Variants in PACRGL observed in about 807,000 individuals in gnomAD.
The protein encoded by PACRGL is parkin coregulated like, also known as PACRG-like protein.
A neutral mutation model predicts 34.5 loss-of-function variants in PACRGL; 38 were observed. The observed-to-expected ratio is 1.10, with a 90% CI of 0.85 to 1.44. The LOEUF (loss-of-function observed/expected upper bound fraction) is 1.44, where lower values mean the gene tolerates loss of function less well. PACRGL is among the 40% of genes most tolerant of loss of function. The probability of loss-of-function intolerance (pLI) is 0.00; values close to 1 mark genes in which losing one functional copy is unlikely to be tolerated. For synonymous variants in PACRGL, 128 were observed against 100.1 expected, an observed-to-expected ratio of 1.28 and a Z score of -1.66; for missense variants, 305 against 281.4, an observed-to-expected ratio of 1.08 and a Z score of -0.60.
At position 20,731,369 on chromosome 4, in the gene PACRGL, A is replaced by C; in HGVS notation, c.*4028A>C. On this transcript the variant is annotated 3_prime_UTR_variant, in exon 9 of 9. Transcript: ENST00000503585. ...GATTACAGTTGTGAGCTACTGTACC[A>C]GGCCTTAACAATTTTTAACTGTGGT... 1 of 983,258 alleles carries C rather than the reference A, an allele frequency of 1.0e-6. No homozygotes were observed. The highest frequency in any genetic ancestry group is 1.2e-6 in the Non-Finnish European group (1 of 827,992). The allele number at this position is 983,258 out of a possible 1,614,324, so 60.9% of individuals were successfully genotyped here. A position where few individuals can be genotyped will look rare whatever the true frequency, so the allele number is the denominator to read the frequency against.
At chr4:20,750,021 A>G (rs868294481) in intron 8 of PACRGL, among the ~76,000 whole-genome samples, 3 of 152,212 alleles carry the variant, frequency 2.0e-5, no homozygotes, top group South Asian at 2.1e-4. Context: ...AAATGGTCCC[A>G]TAGGTGGATG....
rs1284985209 is a variant in PACRGL, at chr4:20,729,445, G to A, written c.*2104G>A. On this transcript the variant is annotated 3_prime_UTR_variant, in exon 9 of 9. Transcript: ENST00000503585. ...ATGCTTATTAAAATAAGTTTTATTA[G>A]GCATATGCTGATATCTGATAATAAA... 1 of 142,068 alleles carries A rather than the reference G, an allele frequency of 7.0e-6. No homozygotes were observed. Among genetic ancestry groups the A allele is most frequent in the Non-Finnish European group, 1.6e-5 (1 of 63,786 alleles). The allele number at this position is 142,068 out of a possible 1,614,324, so 8.8% of individuals were successfully genotyped here.
the PACRGL span, among the ~76,000 whole-genome samples, chr4:20,764,495 G>T: frequency 5.3e-5 from 8 of 151,932 alleles, no homozygotes; most frequent in Non-Finnish European, 8.8e-5. Flanking sequence ...TGCACTTGTG[G>T]TTTCTTCTTT....
chr4:20,710,578 G>A (rs1736710854), intron 5 of PACRGL, among the ~76,000 whole-genome samples: 1 of 152,128 alleles, frequency 6.6e-6, no homozygotes, highest in Non-Finnish European at 1.5e-5. Flanking sequence ...AGTTACTACT[G>A]TGTAACTTAC....
rs770676847 is a variant in PACRGL at position 20,712,775 on chromosome 4, T to TG, written c.367-11dup. On this transcript the variant is annotated splice_polypyrimidine_tract_variant and intron_variant, in intron 5 of 8. Coordinates refer to ENST00000503585, the MANE Select transcript of PACRGL (RefSeq NM_001258345.3). ...ATGGGTAGTAAATCATGTTTCCTCTTGGTCTTTGTCAGGGTCTGAGAGAGA... is the reference window on the plus strand; with the variant it reads ...ATGGGTAGTAAATCATGTTTCCTCTTGGGTCTTTGTCAGGGTCTGAGAGAGA... 5.4e-6 allele frequency: 8 copies of TG among 1,468,320 alleles called. No homozygotes were observed. Among genetic ancestry groups the TG allele is most frequent in the Non-Finnish European group, 6.4e-6 (7 of 1,096,910 alleles). The allele number at this position is 1,468,320 out of a possible 1,614,324, so 91.0% of individuals were successfully genotyped here.
upstream of PACRGL, chr4:20,700,358 G>T (rs1221051025): frequency 3.3e-5 from 5 of 152,222 alleles, no homozygotes; most frequent in African/African-American, 1.2e-4. Context: ...CTCTTCTGGG[G>T]CGCCTCCGCG....
At chr4:20,704,869 T>C (rs555606067) in intron 3 of PACRGL, 55 bp downstream of exon 3, 4 of 1,563,300 alleles carry the variant, frequency 2.6e-6, no homozygotes, top group African/African-American at 2.7e-5. Context: ...TTTCGCACAG[T>C]ATTGAACAAT....
chr4:20,716,878 T>C (rs1033050205), intron 7 of PACRGL, among the ~76,000 whole-genome samples: 1 of 152,238 alleles, frequency 6.6e-6, no homozygotes, highest in Non-Finnish European at 1.5e-5. Context: ...CAAATGGTAT[T>C]TCTAGTTCTA....
chr4:20,700,237 A>G (rs1731583227), upstream of PACRGL, among the ~76,000 whole-genome samples: 1 of 152,086 alleles, frequency 6.6e-6, no homozygotes, highest in Non-Finnish European at 1.5e-5. Context: ...TGCTCTCCGG[A>G]CCTCTTATTC....
chr4:20,723,957 A>G (rs1744557516), intron 7 of PACRGL, among the ~76,000 whole-genome samples: 1 of 152,156 alleles, frequency 6.6e-6, no homozygotes, highest in Non-Finnish European at 1.5e-5. Context: ...CCCATCTTCC[A>G]TACATTTCAG....
At chr4:20,733,512 G>T (rs1257717991), downstream of PACRGL, among the ~76,000 whole-genome samples, 1 of 152,096 alleles carries the variant, frequency 6.6e-6, no homozygotes, top group African/African-American at 2.4e-5. Flanking sequence ...TTACTTTTAA[G>T]AGTATTCAAT....
chr4:20,748,425 CT>C (rs1302472147), intron 8 of PACRGL, among the ~76,000 whole-genome samples: 1 of 151,882 alleles, frequency 6.6e-6, no homozygotes, highest in Non-Finnish European at 1.5e-5. Flanking sequence ...GCTACAGCCC[CT>C]TTTGTGCCAG....
chr4:20,717,408 C>T (rs1714657396), intron 7 of PACRGL, among the ~76,000 whole-genome samples: 1 of 152,168 alleles, frequency 6.6e-6, no homozygotes, highest in African/African-American at 2.4e-5. Context: ...AGTCCTTGCC[C>T]ATGCCTATGT....
chr4:20,715,174 C>T (rs914508011), intron 7 of PACRGL, among the ~76,000 whole-genome samples: 1 of 151,836 alleles, frequency 6.6e-6, no homozygotes, highest in African/African-American at 2.4e-5. Context: ...GTCACAAGGA[C>T]AAAAAACCAA....
chr4:20,697,515 T>G (rs557679694), upstream of PACRGL, among the ~76,000 whole-genome samples: 10 of 152,304 alleles, frequency 6.6e-5, no homozygotes, highest in East Asian at 1.9e-3. Context: ...TAGGGCAATT[T>G]GAAGAAATTT....
intron 8 of PACRGL, 67 bp from the exon 9 acceptor site, chr4:20,727,218 C>G (rs114882466): frequency 0.043 from 58,014 of 1,365,034 alleles, 1,450 homozygotes; most frequent in Middle Eastern, 0.08. Context: ...CATATTCCTG[C>G]AAATATAATA....
chr4:20,709,373 G>A (rs1183044055), intron 4 of PACRGL, among the ~76,000 whole-genome samples: 3 of 152,092 alleles, frequency 2.0e-5, no homozygotes, highest in East Asian at 1.9e-4. Flanking sequence ...TTTCATTTCT[G>A]TAGATTACCT....
intron 8 of PACRGL, among the ~76,000 whole-genome samples, chr4:20,739,201 TA>T (rs1750448339): frequency 1.3e-5 from 2 of 152,280 alleles, no homozygotes; most frequent in South Asian, 4.2e-4. Flanking sequence ...TCTGCAGACT[TA>T]AACATCCCTG....
chr4:20,730,106 C>T lies in PACRGL; in HGVS notation c.*2765C>T. The T allele has an allele frequency of 6.2e-7, 1 of 1,608,668 alleles. No homozygotes were observed. Among genetic ancestry groups the T allele is most frequent in the Non-Finnish European group, 8.5e-7 (1 of 1,178,156 alleles). On this transcript the variant is annotated 3_prime_UTR_variant, in exon 9 of 9. Transcript: ENST00000503585. The stretch of plus-strand genomic sequence containing the variant: ...GTTAAATCACATTTTCAAAGAGCTG[C>T]ATGGAGCGCATTATGTTTTCATCCT...
Sources: allele counts gnomAD v4.1 joint callset (sites outside exome capture counted in the v4.1 genomes callset), GRCh38; gene constraint gnomAD v4.1.1; transcripts MANE v1.5; gene names NCBI Gene and HGNC (gene_info 2026-07-23, HGNC 2026-07-21).